The following ADAM22 variants were observed in gnomAD, a reference collection of about 807,000 sequenced individuals.
ADAM22 encodes ADAM metallopeptidase domain 22, also known as disintegrin and metalloproteinase domain-containing protein 22.
A neutral mutation model predicts 144.6 loss-of-function variants in ADAM22; 65 were observed. That is an observed-to-expected ratio of 0.45 (90% CI 0.37 to 0.55). The LOEUF (loss-of-function observed/expected upper bound fraction) is 0.55, where lower values mean the gene tolerates loss of function less well. ADAM22 is among the 20% of genes least tolerant of loss of function. ADAM22 has a pLI of 0.00. For missense variants in ADAM22, 974 were observed against 1,184.9 expected, an observed-to-expected ratio of 0.82 and a Z score of 2.61; for synonymous variants, 391 against 412.6, an observed-to-expected ratio of 0.95 and a Z score of 0.63.
intron 29 of ADAM22, among the ~76,000 whole-genome samples, chr7:88,183,119 A>G: frequency 6.6e-6 from 1 of 152,190 alleles, no homozygotes; most frequent in Non-Finnish European, 1.5e-5. Context: ...GACACAGTAG[A>G]CAATTTCAAG....
chr7:88,141,016 C>T (rs1379766681), intron 14 of ADAM22, among the ~76,000 whole-genome samples: 1 of 152,106 alleles, frequency 6.6e-6, no homozygotes, highest in Admixed American at 6.5e-5. Context: ...CCCAGTGGTG[C>T]AGATGCAGTG....
Position 88,114,640 on chromosome 7 carries a change from C to A in ADAM22, c.530C>A (p.Thr177Asn). 6.2e-7 allele frequency: 1 copy of A among 1,613,854 alleles called. No homozygotes were observed. Among genetic ancestry groups the A allele is most frequent in the Non-Finnish European group, 8.5e-7 (1 of 1,179,826 alleles). ...TYLIEPEEND[T>N]TQEDFHFHSV... ...CTCATTGAGCCAGAAGAAAATGACACTACTCAAGTAAGTGCTCCTTCTGTT... is the reference window on the plus strand; with the variant it reads ...CTCATTGAGCCAGAAGAAAATGACAATACTCAAGTAAGTGCTCCTTCTGTT... Residue 177 changes from threonine to asparagine, a missense_variant, in exon 6 of 32, where the codon ACT becomes AAT. Thr to Asn is a moderately conservative substitution (Grantham distance 65, BLOSUM62 0). Around this residue, in one of 2 missense-constraint regions of ADAM22, gnomAD observed 240 missense variants for 234.3 expected, o/e 1.02. Transcript: ENST00000413139.
chr7:88,031,875 C>G (rs187309334), intron 3 of ADAM22, among the ~76,000 whole-genome samples: 156 of 152,384 alleles, frequency 1.0e-3, no homozygotes, highest in African/African-American at 3.5e-3. Context: ...CCAGATACAT[C>G]TCAGGCTGCT....
At chr7:88,166,678 G>A (rs1452798817) in intron 24 of ADAM22, among the ~76,000 whole-genome samples, 1 of 152,048 alleles carries the variant, frequency 6.6e-6, no homozygotes, top group Non-Finnish European at 1.5e-5. Flanking sequence ...TCCAGAAAGG[G>A]TAAACAGTTT....
intron 4 of ADAM22, among the ~76,000 whole-genome samples, chr7:88,106,483 C>T (rs3753103): frequency 0.39 from 59,891 of 152,040 alleles, 13,791 homozygotes; most frequent in East Asian, 0.88. Context: ...TCTCTCTCCT[C>T]CATTTGTGAA....
intron 6 of ADAM22, among the ~76,000 whole-genome samples, chr7:88,115,701 C>T (rs888494627): frequency 6.6e-6 from 1 of 152,178 alleles, no homozygotes; most frequent in African/African-American, 2.4e-5. Flanking sequence ...GACACACACA[C>T]ATTCAGTCCA....
At chr7:88,095,585 A>G (rs79981154) in intron 4 of ADAM22, among the ~76,000 whole-genome samples, 4,872 of 152,240 alleles carry the variant, frequency 0.032, 289 homozygotes, top group African/African-American at 0.11. Context: ...AGAGGCTCAC[A>G]TTCATGCGTT....
intron 3 of ADAM22, among the ~76,000 whole-genome samples, chr7:88,021,999 A>G (rs1797939818): frequency 6.6e-6 from 1 of 151,952 alleles, no homozygotes; most frequent in Non-Finnish European, 1.5e-5. Context: ...CCGCCTCCCG[A>G]ATGTTGAGGA....
chr7:88,047,611 T>A (rs1199944013), intron 3 of ADAM22, among the ~76,000 whole-genome samples: 1 of 152,212 alleles, frequency 6.6e-6, no homozygotes, highest in Non-Finnish European at 1.5e-5. Context: ...TGTCTTTTAT[T>A]AAAAAATGAT....
intron 3 of ADAM22, among the ~76,000 whole-genome samples, chr7:88,047,685 T>C (rs1011185646): frequency 3.3e-5 from 5 of 152,194 alleles, no homozygotes; most frequent in Admixed American, 2.0e-4. Context: ...ATTATTTTAA[T>C]TGTTAACAAT....
rs200759268 is a variant in ADAM22, at chr7:88,196,518, G to A, written c.*27G>A. On this transcript the variant is annotated 3_prime_UTR_variant, in exon 32 of 32. Coordinates refer to ENST00000413139, the MANE Select transcript of ADAM22 (RefSeq NM_001324418.2). ...ATCAACTGTTTACATGTGATACATC[G>A]AAAACTGTTTACTTCAACTTTTATA... The A allele has an allele frequency of 5.6e-6, 9 of 1,613,390 alleles. No individual in the cohort carries two copies. Among genetic ancestry groups the A allele is most frequent in the Admixed American group, 5.0e-5 (3 of 60,016 alleles).
At chr7:88,187,304 GAGAAGTGTTATAC>G (rs1484706243) in intron 30 of ADAM22, among the ~76,000 whole-genome samples, 1 of 152,170 alleles carries the variant, frequency 6.6e-6, no homozygotes, top group Non-Finnish European at 1.5e-5. Context: ...AGGCTGTGCT[GAGAAGTGTTATAC>G]AGATTCTCAA....
chr7:88,149,456 T>C (rs968445324), intron 18 of ADAM22, among the ~76,000 whole-genome samples: 6 of 152,198 alleles, frequency 3.9e-5, no homozygotes, highest in Admixed American at 3.3e-4. Context: ...TTGACTCTTA[T>C]CTATGATAGC....
chr7:88,182,456 C>A (rs1281811701), intron 29 of ADAM22, among the ~76,000 whole-genome samples: 2 of 152,128 alleles, frequency 1.3e-5, no homozygotes, highest in African/African-American at 4.8e-5. Context: ...GATCTAAAAC[C>A]ACCACTATGA....
chr7:88,042,801 C>G (rs1330601787), intron 3 of ADAM22, among the ~76,000 whole-genome samples: 1 of 151,486 alleles, frequency 6.6e-6, no homozygotes, highest in Non-Finnish European at 1.5e-5. Context: ...ATATCTTGTT[C>G]TTGAGTGTGA....
At chr7:88,065,524 A>G (rs996410755) in intron 3 of ADAM22, among the ~76,000 whole-genome samples, 11 of 152,072 alleles carry the variant, frequency 7.2e-5, no homozygotes, top group African/African-American at 2.4e-4. Context: ...ATAGTAATCT[A>G]ACTAGCTAGA....
intron 2 of ADAM22, among the ~76,000 whole-genome samples, chr7:87,956,087 G>A (rs1295490195): frequency 6.6e-6 from 1 of 152,194 alleles, no homozygotes; most frequent in African/African-American, 2.4e-5. Flanking sequence ...TCCCGAGTGA[G>A]GCAATGCCTC....
At chr7:88,156,048 T>C in intron 22 of ADAM22, 42 bp downstream of exon 22, 1 of 1,605,748 alleles carries the variant, frequency 6.2e-7, no homozygotes. Context: ...GTCATCTTAT[T>C]TCTCAGGAAT....
chr7:88,113,670 A>G (rs1016102798), intron 5 of ADAM22, among the ~76,000 whole-genome samples: 1 of 125,484 alleles, frequency 8.0e-6, no homozygotes, highest in Non-Finnish European at 1.6e-5. Context: ...GTGTATATAT[A>G]TATATAATAT....
Sources: gnomAD v4.1 joint callset for allele counts (sites outside exome capture counted in the v4.1 genomes callset) on GRCh38, gnomAD v4.1.1 for gene constraint, gnomAD v4.1.1 regional missense constraint, MANE v1.5 for transcripts, NCBI Gene and HGNC (gene_info 2026-07-23, HGNC 2026-07-21) for gene names.